The following KPNA7 variants were observed in gnomAD, a reference collection of about 807,000 sequenced individuals.
The protein encoded by KPNA7 is karyopherin subunit alpha 7, also known as importin subunit alpha-8.
Under a neutral mutation model 53.7 loss-of-function variants are expected in KPNA7, and 54 were observed. The ratio of observed to expected loss-of-function variants is 1.01; its 90% CI spans 0.81 to 1.26. The LOEUF (loss-of-function observed/expected upper bound fraction) is 1.26, where lower values mean the gene tolerates loss of function less well. Among genes scored for constraint, KPNA7 ranks in the 50% most tolerant of loss-of-function variants. The pLI, the probability that KPNA7 is intolerant of heterozygous loss-of-function variation, is 0.00. For missense variants in KPNA7, 640 were observed against 644.5 expected (o/e 0.99, Z 0.07); for synonymous variants, 276 against 259.3 (o/e 1.06, Z -0.62).
chr7:99,199,839 G>C (rs1386120778), intron 3 of KPNA7, among the ~76,000 whole-genome samples: 1 of 152,070 alleles, frequency 6.6e-6, no homozygotes, highest in East Asian at 1.9e-4. Flanking sequence ...ATCTGCTAAG[G>C]TTTAATATCT....
upstream of KPNA7, among the ~76,000 whole-genome samples, chr7:99,212,768 A>G (rs576014665): frequency 1.4e-3 from 217 of 152,042 alleles, no homozygotes; most frequent in African/African-American, 5.0e-3. Context: ...CGGCATCGTG[A>G]TGGGCACCTA....
rs550198713 is a variant in KPNA7 at position 99,188,355 on chromosome 7, G to C, written c.845C>G (p.Thr282Arg). Residue 282 changes from threonine to arginine, a missense_variant, in exon 7 of 11, where the codon ACG becomes AGG. Physicochemically the swap from Thr to Arg is moderately conservative, Grantham distance 71. Coordinates refer to ENST00000327442, the MANE Select transcript of KPNA7 (RefSeq NM_001145715.3). The part of the protein sequence containing the change: ...SNKRIGQVVN[T>R]GVLPRLVVLM... ...CACTACCAGCCTGGGCAGGACCCCCGTGTTAACCACTTGGCCGATGCGCTT... is the reference window on the plus strand; with the variant it reads ...CACTACCAGCCTGGGCAGGACCCCCCTGTTAACCACTTGGCCGATGCGCTT... 5 of 1,551,536 alleles carry C rather than the reference G, an allele frequency of 3.2e-6. No individual in the cohort carries two copies. In the African/African-American group the frequency reaches 4.1e-5, roughly 13 times the overall value.
chr7:99,162,970 C>T, the KPNA7 span, among the ~76,000 whole-genome samples: 2 of 152,030 alleles, frequency 1.3e-5, no homozygotes, highest in East Asian at 1.9e-4. Context: ...CAACTGAGGT[C>T]GGGAGTTCAA....
At chr7:99,159,145 G>C in the KPNA7 span, among the ~76,000 whole-genome samples, 2 of 152,082 alleles carry the variant, frequency 1.3e-5, no homozygotes, top group East Asian at 3.9e-4. Flanking sequence ...GATTACATGC[G>C]TGAGCCACCA....
the KPNA7 span, among the ~76,000 whole-genome samples, chr7:99,161,605 T>C: frequency 6.6e-6 from 1 of 152,336 alleles, no homozygotes; most frequent in South Asian, 2.1e-4. Context: ...ATATAGCAAG[T>C]AACTAATTCA....
intron 1 of KPNA7, among the ~76,000 whole-genome samples, chr7:99,217,581 G>A (rs1791245703): frequency 6.7e-6 from 1 of 150,104 alleles, no homozygotes; most frequent in African/African-American, 2.5e-5. Flanking sequence ...GGACAGCCAG[G>A]GAGGAGAAAA....
intron 10 of KPNA7, 74 bp from the exon 11 acceptor site, chr7:99,173,868 A>T (rs1244544732): frequency 4.6e-6 from 4 of 867,680 alleles, no homozygotes; most frequent in Non-Finnish European, 1.8e-6. Context: ...GGCAAGATGC[A>T]CCTTGTAACA....
chr7:99,155,765 A>G, the KPNA7 span, among the ~76,000 whole-genome samples: 3 of 150,896 alleles, frequency 2.0e-5, no homozygotes, highest in South Asian at 6.3e-4. Flanking sequence ...GGTTTTCATC[A>G]TATTGCCCAG....
chr7:99,212,419 T>A (rs1791100607), upstream of KPNA7, among the ~76,000 whole-genome samples: 1 of 151,186 alleles, frequency 6.6e-6, no homozygotes, highest in African/African-American at 2.4e-5. Flanking sequence ...AATTTTTGTA[T>A]TTTTTTTCTT....
At chr7:99,157,760 T>C in the KPNA7 span, among the ~76,000 whole-genome samples, 2 of 152,138 alleles carry the variant, frequency 1.3e-5, no homozygotes, top group Non-Finnish European at 2.9e-5. Flanking sequence ...CATATATGAC[T>C]TCTTTTTACA....
chr7:99,201,446 A>G (rs73403105), intron 3 of KPNA7, among the ~76,000 whole-genome samples: 12,038 of 151,970 alleles, frequency 0.079, 516 homozygotes, highest in South Asian at 0.15. Flanking sequence ...GACAGATCAC[A>G]AGGTCAGGAG....
chr7:99,167,613 C>T, the KPNA7 span, among the ~76,000 whole-genome samples: 2 of 67,040 alleles, frequency 3.0e-5, no homozygotes, highest in African/African-American at 1.3e-4. Context: ...TCACACCCAA[C>T]TTTTTTTTTT....
chr7:99,179,145 T>A (rs999523422), intron 9 of KPNA7, among the ~76,000 whole-genome samples: 1 of 152,178 alleles, frequency 6.6e-6, no homozygotes, highest in African/African-American at 2.4e-5. Flanking sequence ...GTTTCTAATC[T>A]AGTCTTGACT....
Position 99,195,264 on chromosome 7 carries a change from T to C in KPNA7, c.359A>G (p.Glu120Gly). 6.4e-7 allele frequency: 1 copy of C among 1,551,482 alleles called. No homozygotes were observed. Among genetic ancestry groups the C allele is most frequent in the Non-Finnish European group, 8.7e-7 (1 of 1,146,976 alleles). ...GGGGTAAAGTGATGACTTCAGGAAC[T>C]CCACCATCCTGGGAATGAGGCCCGC... ...IEAGLIPRMV[E>G]FLKSSLYPCL... is the part of the protein sequence containing the mutation. The change falls in exon 5 of 11, where the codon GAG (glutamate) becomes GGG (glycine). Residue 120 changes from glutamate to glycine, a missense_variant. By Grantham distance (98) the Glu-to-Gly change is moderately conservative. Transcript: ENST00000327442.
At chr7:99,203,016 C>A in intron 3 of KPNA7, 90 bp downstream of exon 3, 1 of 1,448,204 alleles carries the variant, frequency 6.9e-7, no homozygotes. Flanking sequence ...CGAGAGTTTG[C>A]AAGTTCTGAA....
intron 10 of KPNA7, among the ~76,000 whole-genome samples, chr7:99,175,586 G>T (rs1360332367): frequency 1.1e-4 from 17 of 151,682 alleles, no homozygotes. Context: ...CACCATCTTG[G>T]CTCACTGCAA....
chr7:99,151,802 C>G, the KPNA7 span, among the ~76,000 whole-genome samples: 2 of 151,934 alleles, frequency 1.3e-5, no homozygotes, highest in Non-Finnish European at 2.9e-5. Flanking sequence ...TGGTAACATG[C>G]AAGGAATTTT....
chr7:99,159,370 AAAAGG>A, the KPNA7 span, among the ~76,000 whole-genome samples: 1 of 151,168 alleles, frequency 6.6e-6, no homozygotes, highest in African/African-American at 2.4e-5. Context: ...AAAAAAAAAA[AAAAGG>A]AATAAACTTC....
At chr7:99,216,087 G>A (rs778234970) in intron 1 of KPNA7, among the ~76,000 whole-genome samples, 1 of 152,036 alleles carries the variant, frequency 6.6e-6, no homozygotes, top group East Asian at 1.9e-4. Flanking sequence ...GAGTGCAGTG[G>A]CACAATCACA....
Sources: allele counts gnomAD v4.1 joint callset (sites outside exome capture counted in the v4.1 genomes callset), GRCh38; gene constraint gnomAD v4.1.1; transcripts MANE v1.5; gene names NCBI Gene and HGNC (gene_info 2026-07-23, HGNC 2026-07-21).